FSTL4: variants seen among roughly 807,000 people sequenced by gnomAD.
FSTL4 encodes follistatin-related protein 4.
In FSTL4, 28 loss-of-function variants were observed where a neutral mutation model predicts 78.2. That is an observed-to-expected ratio of 0.36 (90% CI 0.27 to 0.49). FSTL4 has a LOEUF of 0.49. Among genes scored for constraint, FSTL4 ranks in the 20% least tolerant of loss-of-function variants. FSTL4 has a pLI of 0.98. For missense variants in FSTL4, 922 were observed against 1,084.9 expected (o/e 0.85, Z 2.11); for synonymous variants, 422 against 440.5 (o/e 0.96, Z 0.53).
chr5:133,643,140 T>A, the FSTL4 span, among the ~76,000 whole-genome samples: 1 of 152,218 alleles, frequency 6.6e-6, no homozygotes, highest in Non-Finnish European at 1.5e-5. Context: ...AGAGTGTGCA[T>A]AGGTTTGAAC....
the FSTL4 span, among the ~76,000 whole-genome samples, chr5:133,796,313 C>T: frequency 4.4e-4 from 67 of 152,190 alleles, no homozygotes; most frequent in Non-Finnish European, 5.7e-4. Flanking sequence ...GCCCTTTCAG[C>T]CTTGCTGTCT....
In FSTL4 at chr5:133,484,190, C is replaced by T. The variant is rs566155069; in HGVS notation, c.160+82996G>A. On this transcript the variant is annotated intron_variant, in intron 3 of 15. Coordinates refer to ENST00000265342, the MANE Select transcript of FSTL4 (RefSeq NM_015082.2). ...CCCAGGCATGGACTCCTGAAGCAAA[C>T]GGAAGGCCCTGCACAAGTGGCACCA... 3.9e-5 allele frequency among the ~76,000 whole-genome samples: 6 copies of T among 152,304 alleles called. No individual in the cohort carries two copies. In the East Asian group the frequency reaches 9.7e-4, roughly 25 times the overall value.
intron 4 of FSTL4, among the ~76,000 whole-genome samples, chr5:133,353,108 A>G (rs1432550061): frequency 5.9e-5 from 9 of 152,278 alleles, no homozygotes; most frequent in African/African-American, 2.2e-4. Flanking sequence ...TGCATTTGGC[A>G]TCTATTAACT....
chr5:133,641,352 A>T, the FSTL4 span, among the ~76,000 whole-genome samples: 1 of 152,180 alleles, frequency 6.6e-6, no homozygotes, highest in Non-Finnish European at 1.5e-5. Flanking sequence ...GGGCCATTCC[A>T]TTTATTCTAG....
At chr5:133,592,700 A>G (rs912713837) in intron 2 of FSTL4, among the ~76,000 whole-genome samples, 1 of 152,058 alleles carries the variant, frequency 6.6e-6, no homozygotes, top group Non-Finnish European at 1.5e-5. Context: ...CTAGTTCCCA[A>G]GAGAGCTGGC....
chr5:133,360,473 AT>A (rs57176651), intron 4 of FSTL4, among the ~76,000 whole-genome samples: 28,737 of 129,422 alleles, frequency 0.22, 2,481 homozygotes, highest in Middle Eastern at 0.31. Context: ...TCAGGCAATA[AT>A]TTTTTTTTTT....
chr5:133,394,426 C>T (rs925063727), intron 4 of FSTL4, among the ~76,000 whole-genome samples: 9 of 152,350 alleles, frequency 5.9e-5, no homozygotes, highest in Non-Finnish European at 1.0e-4. Context: ...TGGGCATGGG[C>T]TTGGTGGGCC....
At chr5:133,316,366 T>G in intron 5 of FSTL4, 93 bp downstream of exon 5, 1 of 936,006 alleles carries the variant, frequency 1.1e-6, no homozygotes, top group Non-Finnish European at 1.7e-6. Context: ...CTCAGAGGTA[T>G]TGAACACATG....
At chr5:133,687,293 G>A in the FSTL4 span, among the ~76,000 whole-genome samples, 1 of 152,212 alleles carries the variant, frequency 6.6e-6, no homozygotes, top group African/African-American at 2.4e-5. Flanking sequence ...CTGGGGAGGA[G>A]GGCAGTGAGC....
chr5:133,527,980 C>T (rs913860381), intron 3 of FSTL4, among the ~76,000 whole-genome samples: 4 of 152,192 alleles, frequency 2.6e-5, no homozygotes, highest in African/African-American at 7.2e-5. Context: ...AAGCCAGATG[C>T]CTATGTTGGG....
At chr5:133,841,473 C>G in the FSTL4 span, among the ~76,000 whole-genome samples, 2,445 of 152,288 alleles carry the variant, frequency 0.016, 77 homozygotes, top group African/African-American at 0.056. Context: ...AATACAGGAG[C>G]CCGAGTTCTT....
In FSTL4 at chr5:133,390,090, G is replaced by C. The variant is rs112687465; in HGVS notation, c.409+10648C>G. ...CTGAACACAAGCAGTGGAAGAGAAA[G>C]CACAAGTTCCCTAAGGAAGACAAGA... On this transcript the variant is annotated intron_variant, in intron 4 of 15. Transcript: ENST00000265342. Among the ~76,000 whole-genome samples the C allele has an allele frequency of 5.6e-3, 860 of 152,314 alleles. 10 individuals carry two copies. The highest frequency in any genetic ancestry group is 0.019 in the African/African-American group (796 of 41,558).
chr5:133,716,668 T>C, the FSTL4 span, among the ~76,000 whole-genome samples: 1 of 152,198 alleles, frequency 6.6e-6, no homozygotes, highest in Admixed American at 6.5e-5. Context: ...TATTCATTAC[T>C]TGAATTCTGA....
intron 1 of FSTL4, among the ~76,000 whole-genome samples, chr5:133,607,949 C>A (rs890712107): frequency 6.6e-6 from 1 of 152,154 alleles, no homozygotes; most frequent in African/African-American, 2.4e-5. Context: ...TAAAAAGATG[C>A]ACAGAATCCC....
chr5:133,495,487 A>C (rs954438231), intron 3 of FSTL4, among the ~76,000 whole-genome samples: 6 of 152,238 alleles, frequency 3.9e-5, no homozygotes, highest in Admixed American at 3.9e-4. Context: ...TAAGGCCTTT[A>C]CATGACAAAA....
the FSTL4 span, among the ~76,000 whole-genome samples, chr5:133,785,328 G>A: frequency 1.3e-5 from 2 of 152,136 alleles, no homozygotes; most frequent in African/African-American, 4.8e-5. Flanking sequence ...GGCACCTATA[G>A]GCCAAGAGTG....
intron 3 of FSTL4, among the ~76,000 whole-genome samples, chr5:133,552,037 G>A (rs1179097626): frequency 2.6e-5 from 4 of 152,234 alleles, no homozygotes; most frequent in Non-Finnish European, 4.4e-5. Context: ...CTAAAGCAAG[G>A]ACCCACTTCT....
intron 13 of FSTL4, 141 bp from the exon 14 acceptor site, chr5:133,210,439 A>T: frequency 2.3e-6 from 1 of 437,554 alleles, no homozygotes; most frequent in Non-Finnish European, 4.1e-6. Context: ...CCCAGGGCAG[A>T]AGCTTCCCCT....
chr5:133,321,348 C>G (rs902759453), intron 4 of FSTL4, among the ~76,000 whole-genome samples: 3 of 152,232 alleles, frequency 2.0e-5, no homozygotes, highest in African/African-American at 7.2e-5. Context: ...TGCCCTGACA[C>G]TGTGTGTGTT....
Sources: allele counts gnomAD v4.1 joint callset (sites outside exome capture counted in the v4.1 genomes callset), GRCh38; gene constraint gnomAD v4.1.1; transcripts MANE v1.5; gene names NCBI Gene and HGNC (gene_info 2026-07-23, HGNC 2026-07-21).